Variants in KANSL1 observed in about 807,000 individuals in gnomAD.
KANSL1 encodes the protein KAT8 regulatory NSL complex subunit 1.
In KANSL1, 22 loss-of-function variants were observed where a neutral mutation model predicts 103.6. The ratio of observed to expected loss-of-function variants is 0.21; its 90% CI spans 0.15 to 0.30. The LOEUF (loss-of-function observed/expected upper bound fraction) is 0.30, where lower values mean the gene tolerates loss of function less well. Among genes scored for constraint, KANSL1 ranks in the 10% least tolerant of loss-of-function variants. The pLI, the probability that KANSL1 is intolerant of heterozygous loss-of-function variation, is 1.00. For synonymous variants in KANSL1, 600 were observed against 527.6 expected (o/e 1.14, Z -1.88); for missense variants, 1,337 against 1,399.8 (o/e 0.96, Z 0.72).
intron 7 of KANSL1, chr17:46,043,984 A>G (rs1408973354): frequency 6.9e-6 from 1 of 145,744 alleles, no homozygotes; most frequent in Non-Finnish European, 1.6e-5. Flanking sequence ...TAGATCCCCC[A>G]GTCAGTAAAA....
intron 2 of KANSL1, among the ~76,000 whole-genome samples, chr17:46,143,831 A>T (rs971740991): frequency 6.8e-6 from 1 of 146,728 alleles, no homozygotes; most frequent in South Asian, 2.1e-4. Context: ...AAAAAAAAGA[A>T]GTTGTTATCT....
intron 2 of KANSL1, among the ~76,000 whole-genome samples, chr17:46,143,576 G>A (rs2532308): frequency 0.14 from 21,930 of 152,022 alleles, 2,139 homozygotes; most frequent in Non-Finnish European, 0.22. Flanking sequence ...AGGCCGAGAC[G>A]GGTAGATCAC....
intron 6 of KANSL1, among the ~76,000 whole-genome samples, chr17:46,051,795 G>A (rs1395802206): frequency 6.6e-6 from 1 of 152,224 alleles, no homozygotes; most frequent in Non-Finnish European, 1.5e-5. Context: ...TTTCAGCAGA[G>A]ACATCTCGAA....
intron 6 of KANSL1, among the ~76,000 whole-genome samples, chr17:46,060,040 A>C (rs2078103446): frequency 6.6e-6 from 1 of 152,216 alleles, no homozygotes; most frequent in Non-Finnish European, 1.5e-5. Context: ...TACTTGATAC[A>C]CGAAGAAATT....
At position 46,059,657 on chromosome 17, in the gene KANSL1, G is replaced by GAGAGAGAC. The variant is rs1161040512; in HGVS notation, c.1848+6879_1848+6880insGTCTCTCT. On this transcript the variant is annotated intron_variant, in intron 6 of 14. Transcript: ENST00000432791. ...AAAAAAAAAAAAAAAAAGAGAGAGA[G>GAGAGAGAC]AGAGAGAGAAAAGGAAACTGATCAA... is the stretch of plus-strand genomic sequence containing the variant. Among the ~76,000 whole-genome samples the GAGAGAGAC allele has an allele frequency of 3.2e-4, 47 of 146,950 alleles. 3 individuals are homozygous for GAGAGAGAC. The East Asian group carries it at 8.1e-3, about 25-fold the overall frequency.
intron 2 of KANSL1, among the ~76,000 whole-genome samples, chr17:46,116,216 G>T (rs1010474489): frequency 6.6e-6 from 1 of 152,142 alleles, no homozygotes; most frequent in South Asian, 2.1e-4. Flanking sequence ...AGTCCTCAAA[G>T]GAAACAGACA....
Position 46,171,641 on chromosome 17 carries a change from G to T in KANSL1, c.503C>A (p.Ser168Tyr). The part of the protein sequence containing the change: ...AKKLTKSSTH[S>Y]DHDNSTSLNG... ...GAGGGAAGTGGAATTGTCATGATCA[G>T]AATGTGTTGAACTTTTAGTCAATTT... is the stretch of plus-strand genomic sequence containing the variant. Residue 168 changes from serine to tyrosine, a missense_variant, in exon 2 of 15, where the codon TCT (serine) becomes TAT (tyrosine). This residue lies in a region of KANSL1 where 557 missense variants were observed against 476.4 expected (regional missense o/e 1.17). Transcript: ENST00000432791. 6.4e-7 allele frequency: 1 copy of T among 1,560,784 alleles called. No individual in the cohort carries two copies. Among genetic ancestry groups the T allele is most frequent in the East Asian group, 2.2e-5 (1 of 44,480 alleles).
rs2042809506 is a variant in KANSL1, at chr17:46,111,600, AACTAG to A, written c.1290-16904_1290-16900del. Among the ~76,000 whole-genome samples the A allele has an allele frequency of 2.0e-5, 3 of 152,360 alleles. 1 individual carries two copies. The South Asian group carries it at 6.2e-4, about 32-fold the overall frequency. On this transcript the variant is annotated intron_variant, in intron 2 of 14. Transcript: ENST00000432791. ...AATCAATAGATACGGATGGTATTTGAACTAGACTAGACAAAGAGATCAGCAGACCA... is the reference window on the plus strand; with the variant it reads ...AATCAATAGATACGGATGGTATTTGAACTAGACAAAGAGATCAGCAGACCA...
intron 2 of KANSL1, among the ~76,000 whole-genome samples, chr17:46,122,819 G>A (rs1258917827): frequency 3.9e-5 from 6 of 152,270 alleles, no homozygotes; most frequent in African/African-American, 7.2e-5. Context: ...GAGGTACCAC[G>A]AACCGCACCC....
At chr17:46,149,004 CTTTTTTTTT>C (rs77731269) in intron 2 of KANSL1, among the ~76,000 whole-genome samples, 1 of 121,290 alleles carries the variant, frequency 8.2e-6, no homozygotes, top group Non-Finnish European at 1.6e-5. Context: ...CTCTTTTTTT[CTTTTTTTTT>C]TTTTTTTGAG....
intron 2 of KANSL1, among the ~76,000 whole-genome samples, chr17:46,160,164 C>G (rs2045654673): frequency 6.6e-6 from 1 of 152,220 alleles, no homozygotes; most frequent in South Asian, 2.1e-4. Flanking sequence ...TTAAAGACAA[C>G]AAACCTAAAC....
chr17:46,152,580 A>C (rs1314122348), intron 2 of KANSL1, among the ~76,000 whole-genome samples: 1 of 111,650 alleles, frequency 9.0e-6, no homozygotes, highest in Non-Finnish European at 1.7e-5. Flanking sequence ...CAATAGACAC[A>C]AAGGGGGGGG....
chr17:46,177,023 T>G (rs1221901751), intron 1 of KANSL1, among the ~76,000 whole-genome samples: 1 of 152,212 alleles, frequency 6.6e-6, no homozygotes, highest in African/African-American at 2.4e-5. Flanking sequence ...CGAAATACTA[T>G]GCTAAGATTC....
intron 2 of KANSL1, among the ~76,000 whole-genome samples, chr17:46,135,027 T>C (rs933100701): frequency 1.3e-5 from 2 of 152,188 alleles, no homozygotes; most frequent in Non-Finnish European, 2.9e-5. Context: ...TGTCCCCTTA[T>C]GGGTCTGGGT....
chr17:46,151,223 C>G (rs2045081248), intron 2 of KANSL1, among the ~76,000 whole-genome samples: 1 of 152,212 alleles, frequency 6.6e-6, no homozygotes. Context: ...CTGATCTCAC[C>G]TTCTACCACT....
At chr17:46,090,080 T>TTG (rs2079323770) in intron 3 of KANSL1, among the ~76,000 whole-genome samples, 1 of 152,066 alleles carries the variant, frequency 6.6e-6, no homozygotes, top group Non-Finnish European at 1.5e-5. Context: ...CTAAATTCAA[T>TTG]ATGACTGGTG....
chr17:46,199,736 C>G (rs2047730877), intron 1 of KANSL1, among the ~76,000 whole-genome samples: 2 of 152,226 alleles, frequency 1.3e-5, no homozygotes, highest in Non-Finnish European at 2.9e-5. Flanking sequence ...CCTAATTTAA[C>G]TGTGTTAGTA....
At chr17:46,080,768 A>G (rs1005160214) in intron 4 of KANSL1, among the ~76,000 whole-genome samples, 2 of 141,014 alleles carry the variant, frequency 1.4e-5, no homozygotes, top group Non-Finnish European at 3.0e-5. Context: ...GAAAGCATGG[A>G]TATATTCATA....
At chr17:46,103,078 T>G (rs536843717) in intron 2 of KANSL1, among the ~76,000 whole-genome samples, 10 of 152,176 alleles carry the variant, frequency 6.6e-5, no homozygotes, top group Non-Finnish European at 1.2e-4. Flanking sequence ...TGGTTAGAAC[T>G]CCAACAGTGA....
Sources: gnomAD v4.1 joint callset for allele counts (sites outside exome capture counted in the v4.1 genomes callset) on GRCh38, gnomAD v4.1.1 for gene constraint, gnomAD v4.1.1 regional missense constraint, MANE v1.5 for transcripts, NCBI Gene and HGNC (gene_info 2026-07-23, HGNC 2026-07-21) for gene names.